The following PCCA variants were observed in gnomAD, a reference collection of about 807,000 sequenced individuals.
PCCA encodes propionyl-CoA carboxylase alpha chain, mitochondrial.
In PCCA, 74 loss-of-function variants were observed where a neutral mutation model predicts 101.3. That is an observed-to-expected ratio of 0.73 (90% CI 0.61 to 0.89). PCCA has a LOEUF of 0.89. Among genes scored for constraint, PCCA ranks in the 40% least tolerant of loss-of-function variants. The probability of loss-of-function intolerance (pLI) is 0.00; values close to 1 mark genes in which losing one functional copy is unlikely to be tolerated. For synonymous variants in PCCA, 294 were observed against 313.6 expected, an observed-to-expected ratio of 0.94 and a Z score of 0.66; for missense variants, 891 against 907.0, an observed-to-expected ratio of 0.98 and a Z score of 0.23.
chr13:100,431,594 G>T (rs2079551307), intron 20 of PCCA, among the ~76,000 whole-genome samples: 1 of 152,180 alleles, frequency 6.6e-6, no homozygotes, highest in African/African-American at 2.4e-5. Context: ...TACACGGTAT[G>T]AGTGGCTCAC....
chr13:100,389,604 G>T (rs1233038023), intron 19 of PCCA, among the ~76,000 whole-genome samples: 2 of 152,130 alleles, frequency 1.3e-5, no homozygotes, highest in Non-Finnish European at 2.9e-5. Flanking sequence ...ACCTGCACAT[G>T]TATCCCTGAA....
chr13:100,450,255 G>A (rs929788048), intron 21 of PCCA, among the ~76,000 whole-genome samples: 5 of 151,788 alleles, frequency 3.3e-5, no homozygotes, highest in Admixed American at 3.3e-4. Flanking sequence ...GTGGTGGTGG[G>A]CGCCTATAAT....
At chr13:100,406,930 A>G (rs1021267291) in intron 19 of PCCA, among the ~76,000 whole-genome samples, 5 of 152,224 alleles carry the variant, frequency 3.3e-5, no homozygotes, top group African/African-American at 1.2e-4. Context: ...CAAAGTTATT[A>G]GAAGCCTGTA....
intron 21 of PCCA, among the ~76,000 whole-genome samples, chr13:100,489,452 G>A (rs1000481553): frequency 1.3e-5 from 2 of 152,232 alleles, no homozygotes; most frequent in African/African-American, 4.8e-5. Flanking sequence ...CATTGTAGAA[G>A]AAAGTTTGCC....
rs1410325341 is a variant in PCCA, at chr13:100,199,887, C to T, written c.469-9445C>T. ...TAATGATTGGTTCCTTATCATCCCTCGAAGTTAGCCAATTCTTTTGAAGAA... is the reference window on the plus strand; with the variant it reads ...TAATGATTGGTTCCTTATCATCCCTTGAAGTTAGCCAATTCTTTTGAAGAA... On this transcript the variant is annotated intron_variant, in intron 6 of 23. Transcript: ENST00000376285. Among the ~76,000 whole-genome samples, 4 of 152,252 alleles carry T rather than the reference C, an allele frequency of 2.6e-5. No individual in the cohort carries two copies. The South Asian group carries it at 6.2e-4, about 24-fold the overall frequency.
chr13:100,407,594 T>G (rs2077760266), intron 19 of PCCA, among the ~76,000 whole-genome samples: 1 of 152,210 alleles, frequency 6.6e-6, no homozygotes, highest in Non-Finnish European at 1.5e-5. Flanking sequence ...ATTATACCTT[T>G]TGGAATTTAG....
intron 7 of PCCA, among the ~76,000 whole-genome samples, chr13:100,228,899 CAA>C (rs36067066): frequency 1.1e-3 from 94 of 83,484 alleles, no homozygotes; most frequent in Middle Eastern, 0.013. Context: ...GACTCTTTCT[CAA>C]AAAAAAAAAA....
intron 7 of PCCA, among the ~76,000 whole-genome samples, chr13:100,226,013 A>G (rs1199519199): frequency 1.3e-5 from 2 of 152,080 alleles, no homozygotes; most frequent in East Asian, 3.9e-4. Flanking sequence ...GCTTGTCTGG[A>G]ACTCCTGGTC....
At chr13:100,342,952 G>T (rs1286209824) in intron 18 of PCCA, among the ~76,000 whole-genome samples, 1 of 151,852 alleles carries the variant, frequency 6.6e-6, no homozygotes, top group Non-Finnish European at 1.5e-5. Context: ...GAACTCCTGG[G>T]CTCAAGTGAT....
At chr13:100,102,734 C>T (rs1262957920) in intron 1 of PCCA, 149 bp from the exon 2 acceptor site, 3 of 638,640 alleles carry the variant, frequency 4.7e-6, no homozygotes, top group Non-Finnish European at 8.5e-6. Flanking sequence ...TATGATTTCC[C>T]TTTTGTAATT....
intron 4 of PCCA, among the ~76,000 whole-genome samples, chr13:100,142,772 C>T (rs2052042953): frequency 6.6e-6 from 1 of 152,214 alleles, no homozygotes. Flanking sequence ...CCACACCCAG[C>T]TGAAATGAAC....
intron 18 of PCCA, among the ~76,000 whole-genome samples, chr13:100,349,061 G>T (rs2072928126): frequency 6.6e-6 from 1 of 152,046 alleles, no homozygotes; most frequent in Non-Finnish European, 1.5e-5. Context: ...TCCTGCCTCA[G>T]CCTCCCAAGT....
intron 6 of PCCA, among the ~76,000 whole-genome samples, chr13:100,187,993 C>T (rs1444182763): frequency 6.6e-6 from 1 of 151,480 alleles, no homozygotes; most frequent in East Asian, 2.0e-4. Flanking sequence ...TGGGTGAGAA[C>T]ATACGATGTT....
intron 20 of PCCA, among the ~76,000 whole-genome samples, chr13:100,436,678 A>C (rs576990804): frequency 3.3e-4 from 51 of 152,308 alleles, no homozygotes; most frequent in East Asian, 1.9e-4. Context: ...CTTTTAATTG[A>C]TCTAAATCAC....
chr13:100,266,687 A>G lies in PCCA; in HGVS notation c.820-2002A>G, dbSNP rs17675144. On this transcript the variant is annotated intron_variant, in intron 10 of 23. Transcript: ENST00000376285. ...TTTTTCACATGAGCCATTATATACT[A>G]TGTCCTTTCCACAATGAAACTGCAC... 3.8e-3 allele frequency among the ~76,000 whole-genome samples: 571 copies of G among 152,226 alleles called. 6 individuals are homozygous for G. Among genetic ancestry groups the G allele is most frequent in the Admixed American group, 9.0e-3 (138 of 15,286 alleles).
chr13:100,230,876 C>CA, intron 7 of PCCA, among the ~76,000 whole-genome samples: 1 of 152,228 alleles, frequency 6.6e-6, no homozygotes, highest in Non-Finnish European at 1.5e-5. Flanking sequence ...CATAAGTAAG[C>CA]AGATGCTATG....
chr13:100,512,203 C>T (rs1390684312), intron 21 of PCCA, among the ~76,000 whole-genome samples: 1 of 152,158 alleles, frequency 6.6e-6, no homozygotes, highest in Non-Finnish European at 1.5e-5. Flanking sequence ...GCTCTTGTGG[C>T]CTTCCTCCTG....
At chr13:100,456,744 C>T (rs535789332) in intron 21 of PCCA, among the ~76,000 whole-genome samples, 10 of 152,314 alleles carry the variant, frequency 6.6e-5, no homozygotes, top group African/African-American at 2.4e-4. Flanking sequence ...ATTTCTTCTA[C>T]CGCTATCTAC....
At chr13:100,423,661 G>A (rs1445893249) in intron 19 of PCCA, among the ~76,000 whole-genome samples, 1 of 152,186 alleles carries the variant, frequency 6.6e-6, no homozygotes, top group African/African-American at 2.4e-5. Context: ...TTTGTCAGAG[G>A]CCCTCTACCT....
Sources: gnomAD v4.1 joint callset for allele counts (sites outside exome capture counted in the v4.1 genomes callset) on GRCh38, gnomAD v4.1.1 for gene constraint, MANE v1.5 for transcripts, NCBI Gene and HGNC (gene_info 2026-07-23, HGNC 2026-07-21) for gene names.